SENP3: variants seen among roughly 807,000 people sequenced by gnomAD.
The protein encoded by SENP3 is sentrin-specific protease 3.
In SENP3, 11 loss-of-function variants were observed where a neutral mutation model predicts 66.2. The observed-to-expected ratio is 0.17, with a 90% CI of 0.10 to 0.28. SENP3 has a LOEUF of 0.28. SENP3 is among the 10% of genes least tolerant of loss of function. SENP3 has a pLI of 1.00. For missense variants in SENP3, 548 were observed against 743.7 expected, an observed-to-expected ratio of 0.74 and a Z score of 3.06; for synonymous variants, 292 against 277.6, an observed-to-expected ratio of 1.05 and a Z score of -0.52.
Position 7,563,397 on chromosome 17 carries a change from C to A in SENP3, c.321C>A (p.Thr107=), listed in dbSNP as rs1347489325. The change falls in exon 2 of 11, where the codon ACC becomes ACA. Residue 107 remains threonine (T), a synonymous_variant. Coordinates refer to ENST00000321337, the MANE Select transcript of SENP3 (RefSeq NM_015670.6). ...CCCCAAGATGGAGTCAGCTGGGAAC[C>A]TCCCAGCGGCCCCGCCCTTCCCGCC... ...RLPPRWSQLG[T]SQRPRPSRPT... 1.3e-6 allele frequency: 2 copies of A among 1,550,902 alleles called. No homozygotes were observed. The highest frequency in any genetic ancestry group is 8.7e-7 in the Non-Finnish European group (1 of 1,146,950).
chr17:7,568,619 T>A (rs370253907), intron 7 of SENP3, among the ~76,000 whole-genome samples: 1 of 150,960 alleles, frequency 6.6e-6, no homozygotes, highest in East Asian at 1.9e-4. Context: ...AGAGGAGGAG[T>A]TTGGAGACAT....
At chr17:7,566,852 A>G in intron 6 of SENP3, 75 bp from the exon 7 acceptor site, 1 of 1,044,692 alleles carries the variant, frequency 9.6e-7, no homozygotes, top group South Asian at 1.4e-5. Flanking sequence ...CTGTCAGTGG[A>G]CTGAGGAGGG....
In SENP3 at chr17:7,565,089, C is replaced by G; in HGVS notation, c.1067+19C>G. 1.4e-5 allele frequency: 22 copies of G among 1,540,470 alleles called. No homozygotes were observed. The highest frequency in any genetic ancestry group is 2.0e-5 in the Non-Finnish European group (22 of 1,114,834). On this transcript the variant is annotated intron_variant, in intron 4 of 10. Coordinates refer to ENST00000321337, the MANE Select transcript of SENP3 (RefSeq NM_015670.6). ...CTTCCAGGTGAGGCTTGAAAGCCCT[C>G]CTTGAAAGAAGGGCTGGGGCCTTGG...
rs775760057 is a variant in SENP3 at position 7,563,103 on chromosome 17, G to A, written c.27G>A (p.Gly9=). 8 of 1,517,366 alleles carry A rather than the reference G, an allele frequency of 5.3e-6. No homozygotes were observed. The highest frequency in any genetic ancestry group is 6.2e-6 in the Non-Finnish European group (7 of 1,135,092). 94.0% of individuals were successfully genotyped at this position (1,517,366 alleles called of 1,614,324 possible). A position where few individuals can be genotyped will look rare whatever the true frequency, so the allele number is the denominator to read the frequency against. ...TGAAAGAGACTATACAAGGGACCGGGTCCTGGGGGCCTGAGCCTCCTGGAC... is the reference window on the plus strand; with the variant it reads ...TGAAAGAGACTATACAAGGGACCGGATCCTGGGGGCCTGAGCCTCCTGGAC... MKETIQGT[G]SWGPEPPGPG... is the part of the protein sequence containing the mutation. Residue 9 remains glycine, a synonymous_variant, in exon 2 of 11, where the codon GGG becomes GGA. Coordinates refer to ENST00000321337, the MANE Select transcript of SENP3 (RefSeq NM_015670.6).
rs571416770 is a variant in SENP3 at position 7,571,908 on chromosome 17, TAA to T, written c.*429_*430del. 2.5e-3 allele frequency: 34 copies of T among 13,648 alleles called. 10 individuals carry two copies. Among genetic ancestry groups the T allele is most frequent in the Non-Finnish European group, 4.7e-3 (27 of 5,784 alleles). 0.8% of individuals were successfully genotyped at this position (13,648 alleles called of 1,614,324 possible). On this transcript the variant is annotated 3_prime_UTR_variant, in exon 11 of 11. Transcript: ENST00000321337. ...ATATATATATATATATATATATATA[TAA>T]AAATATATAAATGCCACGGTCCTGC...
rs1339007933 is a variant in SENP3 at position 7,563,559 on chromosome 17, C to T, written c.483C>T (p.Leu161=). ...GCCACCGGGGCCGGCGGCGGGGCCTCGCACACCCCAAGAACCATCTTTCAC... is the reference window on the plus strand; with the variant it reads ...GCCACCGGGGCCGGCGGCGGGGCCTTGCACACCCCAAGAACCATCTTTCAC... ...WGRHRGRRRG[L]AHPKNHLSPQ... is the part of the protein sequence containing the mutation. Residue 161 remains leucine (L), a synonymous_variant, in exon 2 of 11, where the codon CTC becomes CTT. Coordinates refer to ENST00000321337, the MANE Select transcript of SENP3 (RefSeq NM_015670.6). The T allele has an allele frequency of 4.5e-6, 7 of 1,550,646 alleles. No homozygotes were observed. Among genetic ancestry groups the T allele is most frequent in the African/African-American group, 1.4e-5 (1 of 73,046 alleles).
Position 7,562,031 on chromosome 17 carries a change from C to T in SENP3, c.-244C>T. 1 of 399,968 alleles carries T rather than the reference C, an allele frequency of 2.5e-6. No individual in the cohort carries two copies. Among genetic ancestry groups the T allele is most frequent in the Non-Finnish European group, 4.4e-6 (1 of 227,404 alleles). 24.8% of individuals were successfully genotyped at this position (399,968 alleles called of 1,614,324 possible). On this transcript the variant is annotated 5_prime_UTR_variant, in exon 1 of 11. Transcript: ENST00000321337. The surrounding 1 kb of genome is among the most constrained non-coding windows in gnomAD (Gnocchi z 5.0). ...GCGGTGGCGCTGGTGGCGGCGGTGG[C>T]GGAGGTGGAGGTGGAGGTGGAAGCT...
chr17:7,570,501 G>A lies in SENP3; in HGVS notation c.1479+8G>A. The A allele has an allele frequency of 6.2e-7, 1 of 1,609,936 alleles. No individual in the cohort carries two copies. The highest frequency in any genetic ancestry group is 8.5e-7 in the Non-Finnish European group (1 of 1,177,914). On this transcript the variant is annotated splice_region_variant and intron_variant, in intron 8 of 10. Coordinates refer to ENST00000321337, the MANE Select transcript of SENP3 (RefSeq NM_015670.6). The surrounding 1 kb of genome is among the most constrained non-coding windows in gnomAD (Gnocchi z 5.4). ...AACCGCCGCTGCCCTAAGGTTTGAGGGGGTAGGAGAGAGATGGGCAAAATG... is the reference window on the plus strand; with the variant it reads ...AACCGCCGCTGCCCTAAGGTTTGAGAGGGTAGGAGAGAGATGGGCAAAATG...
chr17:7,563,853 G>T (rs2071245414), intron 2 of SENP3, 62 bp downstream of exon 2: 12 of 1,384,932 alleles, frequency 8.7e-6, no homozygotes, highest in Non-Finnish European at 1.2e-5. Flanking sequence ...AGAGCCTGGA[G>T]CACCAGGAGC....
At chr17:7,568,480 C>T (rs2071285089) in intron 7 of SENP3, among the ~76,000 whole-genome samples, 1 of 152,054 alleles carries the variant, frequency 6.6e-6, no homozygotes, top group Non-Finnish European at 1.5e-5. Flanking sequence ...CCTGTAGTCC[C>T]CGGGAGGCTG....
chr17:7,571,580 A>G lies in SENP3; in HGVS notation c.*97A>G. The G allele has an allele frequency of 1.4e-6, 1 of 740,304 alleles. No individual in the cohort carries two copies. The highest frequency in any genetic ancestry group is 2.3e-6 in the Non-Finnish European group (1 of 433,794). The allele number at this position is 740,304 out of a possible 1,614,324, so 45.9% of individuals were successfully genotyped here. A position where few individuals can be genotyped will look rare whatever the true frequency, so the allele number is the denominator to read the frequency against. ...TTCCTTTCCTCTCTTGCCTCTTCCC[A>G]CTCACTTCCCTTTGGTTTTTCATAT... On this transcript the variant is annotated 3_prime_UTR_variant, in exon 11 of 11. Transcript: ENST00000321337.
chr17:7,563,067 G>A lies in SENP3; in HGVS notation c.-10G>A, dbSNP rs144678797. 3.2e-3 allele frequency: 4,797 copies of A among 1,486,426 alleles called. 75 individuals carry two copies. The South Asian group carries it at 0.034, about 10-fold the overall frequency. The allele number at this position is 1,486,426 out of a possible 1,614,324, so 92.1% of individuals were successfully genotyped here. On this transcript the variant is annotated splice_region_variant and 5_prime_UTR_variant, in exon 2 of 11. Coordinates refer to ENST00000321337, the MANE Select transcript of SENP3 (RefSeq NM_015670.6). ...ATACCCTGATCTTTTGTTTTTCAGGGTACTGGAAGATGAAAGAGACTATAC... is the reference window on the plus strand; with the variant it reads ...ATACCCTGATCTTTTGTTTTTCAGGATACTGGAAGATGAAAGAGACTATAC...
chr17:7,570,946 T>A lies in SENP3; in HGVS notation c.1614+13T>A. On this transcript the variant is annotated intron_variant, in intron 10 of 10. Transcript: ENST00000321337. This position sits in a 1 kb window ranked among gnomAD's most constrained non-coding sequence, Gnocchi z 5.4. Reference sequence around the variant, plus strand: ...TTTTGTGTTGCAGGTAAGCAGATGATGGGGCCACCTCCCCTAGCTCTGAAG... The same window carrying A: ...TTTTGTGTTGCAGGTAAGCAGATGAAGGGGCCACCTCCCCTAGCTCTGAAG... 1 of 1,612,132 alleles carries A rather than the reference T, an allele frequency of 6.2e-7. No homozygotes were observed. Among genetic ancestry groups the A allele is most frequent in the Non-Finnish European group, 8.5e-7 (1 of 1,178,870 alleles).
chr17:7,564,578 T>C, intron 2 of SENP3, 47 bp from the exon 3 acceptor site: 1 of 1,608,144 alleles, frequency 6.2e-7, no homozygotes, highest in Non-Finnish European at 8.5e-7. Context: ...CATTGTGCTT[T>C]CCCCAGGCCA....
rs12942617 is a variant in SENP3, at chr17:7,565,698, C to T, written c.1216-19C>T. On this transcript the variant is annotated intron_variant, in intron 5 of 10. Transcript: ENST00000321337. The stretch of plus-strand genomic sequence containing the variant: ...ATGCCGCACCCTCCATGGCAAGCTG[C>T]CTCCCATCTTCTCCCCAGGTGATGA... 6 of 1,613,782 alleles carry T rather than the reference C, an allele frequency of 3.7e-6. No individual in the cohort carries two copies. Among genetic ancestry groups the T allele is most frequent in the Admixed American group, 1.7e-5 (1 of 59,998 alleles).
intron 7 of SENP3, among the ~76,000 whole-genome samples, chr17:7,569,307 C>T (rs957900824): frequency 1.1e-4 from 16 of 145,168 alleles, no homozygotes; most frequent in African/African-American, 3.8e-4. Flanking sequence ...ATGGCATGAA[C>T]CCAGGAGGTG....
intron 7 of SENP3, among the ~76,000 whole-genome samples, chr17:7,567,460 A>C (rs2071277179): frequency 6.6e-6 from 1 of 151,938 alleles, no homozygotes; most frequent in Non-Finnish European, 1.5e-5. Context: ...CAGAGGTTGC[A>C]GTGAGCCGAG....
chr17:7,569,713 T>C (rs928516520), intron 7 of SENP3, among the ~76,000 whole-genome samples: 1 of 152,208 alleles, frequency 6.6e-6, no homozygotes, highest in Non-Finnish European at 1.5e-5. Flanking sequence ...TTGGCCTTCT[T>C]CATACTGAGT....
intron 4 of SENP3, 56 bp downstream of exon 4, chr17:7,565,126 G>A: frequency 7.9e-7 from 1 of 1,270,836 alleles, no homozygotes; most frequent in Non-Finnish European, 1.1e-6. Context: ...GATGTGGAGA[G>A]AATACTGCTG....
Sources: gnomAD v4.1 joint callset for allele counts (sites outside exome capture counted in the v4.1 genomes callset) on GRCh38, gnomAD v4.1.1 for gene constraint, Gnocchi (gnomAD v3.1) non-coding constraint, MANE v1.5 for transcripts, NCBI Gene and HGNC (gene_info 2026-07-23, HGNC 2026-07-21) for gene names.